HSPG2: variants seen among roughly 807,000 people sequenced by gnomAD.
The protein encoded by HSPG2 is heparan sulfate proteoglycan 2, also known as basement membrane-specific heparan sulfate proteoglycan core protein.
A neutral mutation model predicts 526.6 loss-of-function variants in HSPG2; 278 were observed. The observed-to-expected ratio is 0.53, with a 90% CI of 0.48 to 0.58. The LOEUF is 0.58. Among genes scored for constraint, HSPG2 ranks in the 20% least tolerant of loss-of-function variants. HSPG2 has a pLI of 0.00. For synonymous variants in HSPG2, 2,465 were observed against 2,555.4 expected, an observed-to-expected ratio of 0.96 and a Z score of 1.07; for missense variants, 5,354 against 6,099.5, an observed-to-expected ratio of 0.88 and a Z score of 4.07.
intron 33 of HSPG2, chr1:21,869,052 C>G (rs1172687376): frequency 3.4e-6 from 1 of 295,452 alleles, no homozygotes; most frequent in Non-Finnish European, 5.0e-6. Flanking sequence ...AGGGGTGGAC[C>G]GTCATGGGAG....
At chr1:21,842,676 AGCAGGCTGGTGTTT>A (rs371549376) in intron 67 of HSPG2, 80 bp downstream of exon 67, 644 of 1,538,176 alleles carry the variant, frequency 4.2e-4, no homozygotes, top group Non-Finnish European at 5.4e-4. Flanking sequence ...GGGGTCCCCA[AGCAGGCTGGTGTTT>A]GCATGAGGTT....
At position 21,864,316 on chromosome 1, in the gene HSPG2, G is replaced by T; in HGVS notation, c.4627-103C>A. 9 of 943,630 alleles carry T rather than the reference G, an allele frequency of 9.5e-6. No individual in the cohort carries two copies. Among genetic ancestry groups the T allele is most frequent in the Non-Finnish European group, 1.3e-5 (8 of 595,968 alleles). 58.5% of individuals were successfully genotyped at this position (943,630 alleles called of 1,614,324 possible). ...CAGTGTCCTCCCAGGGGTGACCCTG[G>T]AACATCACAGGCCGGCGCCCCTCCT... On this transcript the variant is annotated intron_variant, in intron 36 of 96. Transcript: ENST00000374695. This position sits in a 1 kb window ranked among gnomAD's most constrained non-coding sequence, Gnocchi z 4.8.
At chr1:21,919,785 G>C (rs1442435046) in intron 1 of HSPG2, among the ~76,000 whole-genome samples, 3 of 152,186 alleles carry the variant, frequency 2.0e-5, no homozygotes, top group Admixed American at 2.0e-4. Context: ...GCTAGTGCCT[G>C]GACCATCCTC....
At position 21,847,692 on chromosome 1, in the gene HSPG2, G is replaced by T; in HGVS notation, c.8022C>A (p.His2674Gln). ...YKRGGSLPSR[H>Q]QTHGSHLRLH... is the part of the protein sequence containing the mutation. ...CTGCTGTGGCTCCACTCTGTACCTG[G>T]TGTCGGGAGGGAAGGCTGCCCCCAC... The change falls in exon 61 of 97, where the codon CAC becomes CAA. Residue 2674 changes from histidine (H) to glutamine (Q), a missense_variant. Coordinates refer to ENST00000374695, the MANE Select transcript of HSPG2 (RefSeq NM_005529.7). This position sits in a 1 kb window ranked among gnomAD's most constrained non-coding sequence, Gnocchi z 4.1. The T allele has an allele frequency of 6.2e-7, 1 of 1,607,706 alleles. No homozygotes were observed.
chr1:21,920,921 T>A (rs1193317849), intron 1 of HSPG2, among the ~76,000 whole-genome samples: 1 of 152,108 alleles, frequency 6.6e-6, no homozygotes, highest in Non-Finnish European at 1.5e-5. Context: ...TTCAAACATG[T>A]GTCTGGGATC....
intron 1 of HSPG2, among the ~76,000 whole-genome samples, chr1:21,915,006 CCCCAGGGCCCAG>C (rs1442743928): frequency 1.3e-5 from 2 of 152,230 alleles, no homozygotes; most frequent in African/African-American, 2.4e-5. Flanking sequence ...CGTCCCTCAC[CCCCAGGGCCCAG>C]CCCAGGACCG....
chr1:21,923,135 G>A (rs1033765815), intron 1 of HSPG2, among the ~76,000 whole-genome samples: 2 of 152,272 alleles, frequency 1.3e-5, no homozygotes, highest in South Asian at 2.1e-4. Flanking sequence ...AGCCGGGCAC[G>A]GTGGCTCACA....
intron 26 of HSPG2, 43 bp from the exon 27 acceptor site, chr1:21,874,772 G>T: frequency 6.5e-7 from 1 of 1,544,050 alleles, no homozygotes; most frequent in Non-Finnish European, 8.8e-7. Flanking sequence ...TCCGAACACG[G>T]CCCATTCAGG....
rs60294852 is a variant in HSPG2 at position 21,827,923 on chromosome 1, TGGA to T, written c.12533-7_12533-5del. On this transcript the variant is annotated splice_polypyrimidine_tract_variant and splice_region_variant and intron_variant, in intron 90 of 96. Transcript: ENST00000374695. ...TCTGCTATGCCATGTCCAGAGCCTA[TGGA>T]GAAGGGCAGGGTCCAGTTGGTGGGC... is the stretch of plus-strand genomic sequence containing the variant. 54 of 1,604,272 alleles carry T rather than the reference TGGA, an allele frequency of 3.4e-5. No homozygotes were observed. The African/African-American group carries it at 6.9e-4, about 21-fold the overall frequency.
chr1:21,896,198 A>C lies in HSPG2; in HGVS notation c.176T>G (p.Met59Arg). 6.2e-7 allele frequency: 1 copy of C among 1,613,536 alleles called. No homozygotes were observed. The highest frequency in any genetic ancestry group is 8.5e-7 in the Non-Finnish European group (1 of 1,179,934). The part of the protein sequence containing the change: ...THSYLSDDED[M>R]LADSISGDDL... ...ACCTCCTGAGATGCTGTCAGCCAGC[A>C]TGTCCTCATCATCAGAAAGGTACGA... The change falls in exon 2 of 97, where the codon ATG becomes AGG. Residue 59 changes from methionine to arginine, a missense_variant. By Grantham distance (91) the Met-to-Arg change is moderately conservative (BLOSUM62 -1). Coordinates refer to ENST00000374695, the MANE Select transcript of HSPG2 (RefSeq NM_005529.7).
intron 1 of HSPG2, among the ~76,000 whole-genome samples, chr1:21,913,399 C>CGACATCCCAGG (rs1334248629): frequency 6.6e-6 from 1 of 152,132 alleles, no homozygotes; most frequent in Non-Finnish European, 1.5e-5. Flanking sequence ...AAAGAGAATG[C>CGACATCCCAGG]GACATCCCAG....
At chr1:21,857,967 G>T (rs994117154) in intron 42 of HSPG2, among the ~76,000 whole-genome samples, 1 of 152,112 alleles carries the variant, frequency 6.6e-6, no homozygotes, top group African/African-American at 2.4e-5. Flanking sequence ...TTCTGCTCTC[G>T]CAACATCAGC....
At position 21,890,960 on chromosome 1, in the gene HSPG2, A is replaced by AC. The variant is rs1202637005; in HGVS notation, c.245-267dup. Among the ~76,000 whole-genome samples the AC allele has an allele frequency of 6.6e-6, 1 of 152,006 alleles. No homozygotes were observed. Among genetic ancestry groups the AC allele is most frequent in the African/African-American group, 2.4e-5 (1 of 41,358 alleles). On this transcript the variant is annotated intron_variant, in intron 3 of 96. Transcript: ENST00000374695. This position sits in a 1 kb window ranked among gnomAD's most constrained non-coding sequence, Gnocchi z 4.1. ...ACCAAGTGCTAGTGCAAAAGAGGAG[A>AC]CCCCCACAGTTCAGAGGAAGGCTGG... is the stretch of plus-strand genomic sequence containing the variant.
rs755094755 is a variant in HSPG2, at chr1:21,878,194, G to A, written c.2677C>T (p.Arg893Cys). ...GSMGTSGEACRCKNNVVGRLC... is the reference protein window; with the variant it reads ...GSMGTSGEACCCKNNVVGRLC... ...GCAGATGGCACGCGTACCTTACAGC[G>A]GCAGGCCTCCCCGGAGGTCCCCATG... The change falls in exon 21 of 97, where the codon CGC becomes TGC. Residue 893 changes from arginine to cysteine, a missense_variant. By Grantham distance (180) the Arg-to-Cys change is radical (BLOSUM62 -3). Transcript: ENST00000374695. The A allele has an allele frequency of 1.7e-5, 27 of 1,613,436 alleles. No individual in the cohort carries two copies. Among genetic ancestry groups the A allele is most frequent in the African/African-American group, 4.0e-5 (3 of 74,932 alleles).
At chr1:21,876,189 G>C (rs375106938) in intron 23 of HSPG2, 40 bp downstream of exon 23, 578 of 1,579,258 alleles carry the variant, frequency 3.7e-4, no homozygotes, top group Non-Finnish European at 4.7e-4. Flanking sequence ...CGCTGTTCCT[G>C]CTGCCTGGAG....
At position 21,838,939 on chromosome 1, in the gene HSPG2, T is replaced by C. The variant is rs751308612; in HGVS notation, c.10036A>G (p.Arg3346Gly). The change falls in exon 74 of 97, where the codon AGG (arginine) becomes GGG (glycine). Residue 3346 changes from arginine (R) to glycine (G), a missense_variant. Coordinates refer to ENST00000374695, the MANE Select transcript of HSPG2 (RefSeq NM_005529.7). ...CGCTCAAAGTGCAGCAGCTCGTTCCTGGCGGTCGCCCTCCCAGGAAGGCTG... is the reference window on the plus strand; with the variant it reads ...CGCTCAAAGTGCAGCAGCTCGTTCCCGGCGGTCGCCCTCCCAGGAAGGCTG... ...GSSLPGRATA[R>G]NELLHFERAA... 5 of 1,612,304 alleles carry C rather than the reference T, an allele frequency of 3.1e-6. No homozygotes were observed. Among genetic ancestry groups the C allele is most frequent in the Non-Finnish European group, 3.4e-6 (4 of 1,179,106 alleles).
rs764695599 is a variant in HSPG2, at chr1:21,874,886, C to T, written c.3414+5G>A. On this transcript the variant is annotated splice_donor_5th_base_variant and intron_variant, in intron 26 of 96. Transcript: ENST00000374695. The stretch of plus-strand genomic sequence containing the variant: ...GGCTGGGCTGGCGTGGGGCCCAGGA[C>T]TCACCTGGCAGGACGGCCCACGGTA... 5.0e-5 allele frequency: 80 copies of T among 1,607,910 alleles called. No homozygotes were observed. The highest frequency in any genetic ancestry group is 6.5e-5 in the Non-Finnish European group (77 of 1,176,310).
intron 1 of HSPG2, among the ~76,000 whole-genome samples, chr1:21,918,178 C>A (rs945341648): frequency 1.7e-4 from 26 of 152,118 alleles, no homozygotes; most frequent in African/African-American, 6.0e-4. Context: ...TAAAATGGGA[C>A]AACAGGCCGT....
In HSPG2 at chr1:21,846,458, C is replaced by T. The variant is rs770700063; in HGVS notation, c.8306G>A (p.Ser2769Asn). 2.5e-6 allele frequency: 4 copies of T among 1,613,436 alleles called. No individual in the cohort carries two copies. Among genetic ancestry groups the T allele is most frequent in the African/African-American group, 1.3e-5 (1 of 74,944 alleles). ...TWHKRGGSLP[S>N]HHQTRGSRLR... ...CTGCCAGCTGCATACCTGATGGTGACTGGGGAGGCTGCCCCCACGCTTGTG... is the reference window on the plus strand; with the variant it reads ...CTGCCAGCTGCATACCTGATGGTGATTGGGGAGGCTGCCCCCACGCTTGTG... The change falls in exon 63 of 97, where the codon AGT (serine) becomes AAT (asparagine). Residue 2769 changes from serine to asparagine, a missense_variant. By Grantham distance (46) the Ser-to-Asn change is conservative. Coordinates refer to ENST00000374695, the MANE Select transcript of HSPG2 (RefSeq NM_005529.7).
Sources: gnomAD v4.1 joint callset for allele counts (sites outside exome capture counted in the v4.1 genomes callset) on GRCh38, gnomAD v4.1.1 for gene constraint, Gnocchi (gnomAD v3.1) non-coding constraint, MANE v1.5 for transcripts, NCBI Gene and HGNC (gene_info 2026-07-23, HGNC 2026-07-21) for gene names.